PRKCH: variants seen among roughly 807,000 people sequenced by gnomAD.
The protein encoded by PRKCH is protein kinase C eta.
In PRKCH, 28 loss-of-function variants were observed where a neutral mutation model predicts 82.5. The ratio of observed to expected loss-of-function variants is 0.34; its 90% CI spans 0.25 to 0.47. The LOEUF (loss-of-function observed/expected upper bound fraction) is 0.47, where lower values mean the gene tolerates loss of function less well. Among genes scored for constraint, PRKCH ranks in the 20% least tolerant of loss-of-function variants. PRKCH has a pLI of 1.00. For synonymous variants in PRKCH, 322 were observed against 327.4 expected, an observed-to-expected ratio of 0.98 and a Z score of 0.18; for missense variants, 705 against 881.8, an observed-to-expected ratio of 0.80 and a Z score of 2.54.
At chr14:61,526,557 G>C (rs185523689) in intron 10 of PRKCH, among the ~76,000 whole-genome samples, 1 of 152,190 alleles carries the variant, frequency 6.6e-6, no homozygotes, top group Non-Finnish European at 1.5e-5. Flanking sequence ...ACAGGACAGC[G>C]TGTGGAAACC....
rs979697561 is a variant in PRKCH at position 61,280,874 on chromosome 14, AG to A, written c.-19+93212del. On this transcript the variant is annotated intron_variant, in intron 1 of 3. Transcript: ENST00000555185. The surrounding 1 kb of genome is among the most constrained non-coding windows in gnomAD (Gnocchi z 5.0). ...AGCGAGAAGTACCAGGCGCACGAGC[AG>A]GGGGGCGGCAGCGCCCGGCCCTGGC... is the stretch of plus-strand genomic sequence containing the variant. The A allele has an allele frequency of 4.5e-6, 7 of 1,564,824 alleles. No homozygotes were observed. Among genetic ancestry groups the A allele is most frequent in the African/African-American group, 2.7e-5 (2 of 73,696 alleles).
intron 2 of PRKCH, among the ~76,000 whole-genome samples, chr14:61,402,477 G>A (rs1417797139): frequency 6.6e-6 from 1 of 152,206 alleles, no homozygotes; most frequent in Non-Finnish European, 1.5e-5. Flanking sequence ...CATTACAGTG[G>A]CTTGAATACA....
At chr14:61,453,479 C>CCTTTCTTTCTTTCTTTCTCTTT in intron 7 of PRKCH, 126 bp downstream of exon 7, 1 of 922,530 alleles carries the variant, frequency 1.1e-6, no homozygotes, top group Non-Finnish European at 1.5e-6. Flanking sequence ...AGACTTATTG[C>CCTTTCTTTCTTTCTTTCTCTTT]CTTTCTTTCT....
chr14:61,466,553 A>G lies in PRKCH; in HGVS notation c.1278+8874A>G, dbSNP rs80356401. Among the ~76,000 whole-genome samples the G allele has an allele frequency of 0.011, 1,699 of 152,242 alleles. 96 individuals carry two copies. In the East Asian group the frequency reaches 0.17, roughly 15 times the overall value. ...TCACAGGAAGGGGGAGCAGCAAAGT[A>G]AATATTGGTCTGAGGCTTTGTTCGG... On this transcript the variant is annotated intron_variant, in intron 9 of 13. Coordinates refer to ENST00000332981, the MANE Select transcript of PRKCH (RefSeq NM_006255.5).
chr14:61,453,873 G>C (rs1884635978), intron 7 of PRKCH, among the ~76,000 whole-genome samples: 1 of 151,844 alleles, frequency 6.6e-6, no homozygotes, highest in Non-Finnish European at 1.5e-5. Flanking sequence ...GCGCAGGCTG[G>C]TCTCAAACTC....
At chr14:61,496,342 A>C (rs1199215103) in intron 10 of PRKCH, among the ~76,000 whole-genome samples, 1 of 152,212 alleles carries the variant, frequency 6.6e-6, no homozygotes, top group Non-Finnish European at 1.5e-5. Context: ...GGACTTGTTC[A>C]AGGTCACACA....
intron 4 of PRKCH, among the ~76,000 whole-genome samples, chr14:61,448,485 G>A (rs1431776524): frequency 6.6e-6 from 1 of 152,162 alleles, no homozygotes; most frequent in East Asian, 1.9e-4. Flanking sequence ...GAATTCTGAG[G>A]GCATTACAAG....
At chr14:61,233,514 C>G (rs986242129) in intron 1 of PRKCH, among the ~76,000 whole-genome samples, 6 of 152,196 alleles carry the variant, frequency 3.9e-5, no homozygotes, top group African/African-American at 1.4e-4. Flanking sequence ...CTCTGAGCCT[C>G]TCTCAAGGAA....
At chr14:61,480,579 G>T (rs1885928501) in intron 9 of PRKCH, among the ~76,000 whole-genome samples, 1 of 152,094 alleles carries the variant, frequency 6.6e-6, no homozygotes, top group Non-Finnish European at 1.5e-5. Flanking sequence ...ATTCTATGTG[G>T]CAAGTTCCAA....
chr14:61,394,226 G>A (rs781038180), intron 2 of PRKCH, among the ~76,000 whole-genome samples: 7 of 151,282 alleles, frequency 4.6e-5, no homozygotes, highest in Non-Finnish European at 8.8e-5. Context: ...TTGTCTTTTT[G>A]CACAAACCTG....
intron 1 of PRKCH, among the ~76,000 whole-genome samples, chr14:61,250,893 A>T (rs1327028125): frequency 6.6e-6 from 1 of 152,306 alleles, no homozygotes; most frequent in East Asian, 1.9e-4. Context: ...ACTTCTCTAA[A>T]AAAGCCATTT....
chr14:61,337,660 G>A (rs528454346), intron 1 of PRKCH, among the ~76,000 whole-genome samples: 2 of 152,234 alleles, frequency 1.3e-5, no homozygotes, highest in East Asian at 1.9e-4. Context: ...TCCTGACTTC[G>A]AGTGATGCCA....
chr14:61,378,249 T>C (rs1191226596), intron 1 of PRKCH, among the ~76,000 whole-genome samples: 1 of 148,736 alleles, frequency 6.7e-6, no homozygotes, highest in South Asian at 2.1e-4. Flanking sequence ...AGACAGCATC[T>C]CTCTCTGTCA....
At chr14:61,277,164 A>G (rs1355104003) in intron 1 of PRKCH, among the ~76,000 whole-genome samples, 1 of 152,166 alleles carries the variant, frequency 6.6e-6, no homozygotes, top group South Asian at 2.1e-4. Context: ...TTCACATCAC[A>G]GCACTCCGGC....
At position 61,210,107 on chromosome 14, in the gene PRKCH, AACAAATATATATATATATATATAT is replaced by A. The variant is rs2044558870; in HGVS notation, c.-19+22441_-19+22464del. ...AAACAAAAAACAAAACAAACAAACA[AACAAATATATATATATATATATAT>A]ATATATATATATATATATATATATA... On this transcript the variant is annotated intron_variant, in intron 1 of 3. Coordinates refer to the PRKCH transcript ENST00000555185. 5.6e-5 allele frequency among the ~76,000 whole-genome samples: 6 copies of A among 107,794 alleles called. No individual in the cohort carries two copies. The South Asian group carries it at 1.7e-3, about 31-fold the overall frequency. The allele number at this position is 107,794 out of a possible 152,430, so 70.7% of individuals were successfully genotyped here.
intron 1 of PRKCH, among the ~76,000 whole-genome samples, chr14:61,232,217 A>T (rs1408168790): frequency 1.3e-5 from 2 of 152,186 alleles, no homozygotes; most frequent in Non-Finnish European, 2.9e-5. Flanking sequence ...CCAGTTCGTT[A>T]TAAAGGATAT....
At chr14:61,403,020 C>T (rs966638616) in intron 2 of PRKCH, among the ~76,000 whole-genome samples, 1 of 152,072 alleles carries the variant, frequency 6.6e-6, no homozygotes, top group African/African-American at 2.4e-5. Context: ...AATGCTATCC[C>T]TCCCGCCTCC....
At chr14:61,437,582 C>A (rs1000020111) in intron 2 of PRKCH, among the ~76,000 whole-genome samples, 1 of 152,168 alleles carries the variant, frequency 6.6e-6, no homozygotes, top group African/African-American at 2.4e-5. Flanking sequence ...CTCACTTAAC[C>A]TTCCTGTTAG....
At chr14:61,323,897 G>C (rs962520968) in intron 1 of PRKCH, among the ~76,000 whole-genome samples, 5 of 152,220 alleles carry the variant, frequency 3.3e-5, no homozygotes, top group Non-Finnish European at 5.9e-5. Flanking sequence ...TTAGGAGTTA[G>C]GTCGGGCAAA....
Sources: gnomAD v4.1 joint callset for allele counts (sites outside exome capture counted in the v4.1 genomes callset) on GRCh38, gnomAD v4.1.1 for gene constraint, Gnocchi (gnomAD v3.1) non-coding constraint, MANE v1.5 for transcripts, NCBI Gene and HGNC (gene_info 2026-07-23, HGNC 2026-07-21) for gene names.